The following LHX8 variants were observed in gnomAD, a reference collection of about 807,000 sequenced individuals.
LHX8 encodes LIM/homeobox protein Lhx8.
Under a neutral mutation model 40.3 loss-of-function variants are expected in LHX8, and 12 were observed. The ratio of observed to expected loss-of-function variants is 0.30; its 90% CI spans 0.19 to 0.48. The LOEUF (loss-of-function observed/expected upper bound fraction) is 0.48, where lower values mean the gene tolerates loss of function less well. Ranked by LOEUF, LHX8 falls within the 20% of genes least tolerant of loss-of-function variation. The pLI, the probability that LHX8 is intolerant of heterozygous loss-of-function variation, is 0.99. For synonymous variants in LHX8, 179 were observed against 162.0 expected (o/e 1.10, Z -0.80); for missense variants, 344 against 433.7 (o/e 0.79, Z 1.84).
At chr1:75,173,476 G>A in the LHX8 span, among the ~76,000 whole-genome samples, 4 of 142,596 alleles carry the variant, frequency 2.8e-5, no homozygotes, top group Non-Finnish European at 4.5e-5. Context: ...CTCCACCTCC[G>A]GGTTCACGCC....
the LHX8 span, among the ~76,000 whole-genome samples, chr1:75,192,389 C>T: frequency 2.0e-5 from 3 of 152,292 alleles, no homozygotes; most frequent in South Asian, 6.2e-4. Flanking sequence ...CTAGCCATAT[C>T]TCCTTGAACC....
intron 2 of LHX8, 46 bp from the exon 3 acceptor site, chr1:75,137,054 G>A (rs762129297): frequency 1.6e-5 from 25 of 1,552,622 alleles, no homozygotes; most frequent in African/African-American, 4.1e-5. Flanking sequence ...GGGATGCGAA[G>A]GGGAGGAGGG....
At chr1:75,168,777 A>T in the LHX8 span, among the ~76,000 whole-genome samples, 1 of 152,170 alleles carries the variant, frequency 6.6e-6, no homozygotes, top group Admixed American at 6.5e-5. Context: ...ATTCCAGTCC[A>T]GCCTCTTACT....
intron 7 of LHX8, among the ~76,000 whole-genome samples, chr1:75,151,175 A>G (rs960876133): frequency 2.0e-5 from 3 of 152,174 alleles, no homozygotes; most frequent in Non-Finnish European, 4.4e-5. Context: ...TTAACAAATC[A>G]CCTGTACGAA....
chr1:75,194,408 G>T, the LHX8 span, among the ~76,000 whole-genome samples: 1 of 152,262 alleles, frequency 6.6e-6, no homozygotes, highest in South Asian at 2.1e-4. Flanking sequence ...CATGAGCCTT[G>T]TCTGCAACAT....
downstream of LHX8, among the ~76,000 whole-genome samples, chr1:75,164,290 AATTG>A (rs1648988270): frequency 6.6e-6 from 1 of 152,170 alleles, no homozygotes. Flanking sequence ...GAAATTAAAA[AATTG>A]ATATGTCCAC....
the LHX8 span, among the ~76,000 whole-genome samples, chr1:75,167,103 T>C: frequency 6.6e-6 from 1 of 152,164 alleles, no homozygotes; most frequent in Non-Finnish European, 1.5e-5. Flanking sequence ...TGCTCTGTCA[T>C]GGACATCTGC....
Position 75,160,943 on chromosome 1 carries a change from A to C in LHX8, c.*48A>C, listed in dbSNP as rs1311133768. On this transcript the variant is annotated 3_prime_UTR_variant, in exon 9 of 9. Transcript: ENST00000356261. ...GATTAAGGATATAAATTTGTCATTT[A>C]TTATGTATAAAATACCATTGAAAAG... 1 of 1,327,042 alleles carries C rather than the reference A, an allele frequency of 7.5e-7. No individual in the cohort carries two copies. The highest frequency in any genetic ancestry group is 2.3e-5 in the East Asian group (1 of 43,466). The allele number at this position is 1,327,042 out of a possible 1,614,324, so 82.2% of individuals were successfully genotyped here.
At chr1:75,195,828 A>T in the LHX8 span, among the ~76,000 whole-genome samples, 11 of 151,650 alleles carry the variant, frequency 7.3e-5, no homozygotes, top group Non-Finnish European at 1.5e-4. Context: ...TGCCTTTAAT[A>T]TCTTTCTTTC....
intron 7 of LHX8, among the ~76,000 whole-genome samples, chr1:75,153,053 T>C (rs1648652194): frequency 6.6e-6 from 1 of 152,168 alleles, no homozygotes; most frequent in Admixed American, 6.5e-5. Context: ...AACATTTATA[T>C]TTCTATGTGT....
chr1:75,160,757 G>T, intron 8 of LHX8, 62 bp from the exon 9 acceptor site: 1 of 1,101,132 alleles, frequency 9.1e-7, no homozygotes. Flanking sequence ...GTTTTTGTTT[G>T]TTTATAAATC....
upstream of LHX8, chr1:75,130,349 C>T (rs1647930168): frequency 5.6e-6 from 2 of 358,474 alleles, no homozygotes; most frequent in Non-Finnish European, 1.1e-5. Context: ...CTTGGCTTTC[C>T]GCTATTGGTC....
the LHX8 span, among the ~76,000 whole-genome samples, chr1:75,192,959 G>A: frequency 6.6e-6 from 1 of 152,182 alleles, no homozygotes; most frequent in African/African-American, 2.4e-5. Context: ...CTTCCAAAAT[G>A]CTGGGATTAC....
intron 4 of LHX8, among the ~76,000 whole-genome samples, chr1:75,142,278 A>G (rs1011883989): frequency 6.6e-6 from 1 of 152,174 alleles, no homozygotes; most frequent in African/African-American, 2.4e-5. Context: ...CAAAGTGGTA[A>G]TAGCTTTAAA....
At chr1:75,140,545 A>C (rs1213734558) in intron 3 of LHX8, among the ~76,000 whole-genome samples, 1 of 152,180 alleles carries the variant, frequency 6.6e-6, no homozygotes, top group East Asian at 1.9e-4. Flanking sequence ...ATAATTGTTT[A>C]GCCAAAAAAT....
At chr1:75,146,449 A>G (rs913299898) in intron 6 of LHX8, among the ~76,000 whole-genome samples, 2 of 152,270 alleles carry the variant, frequency 1.3e-5, no homozygotes, top group African/African-American at 4.8e-5. Context: ...TTCTATGTAG[A>G]AGCACTCACT....
intron 5 of LHX8, 35 bp downstream of exon 5, chr1:75,143,373 A>T (rs372526079): frequency 1.1e-5 from 17 of 1,486,550 alleles, no homozygotes; most frequent in Non-Finnish European, 1.6e-5. Context: ...GAGTCTTTTG[A>T]GACAGTGAAT....
chr1:75,135,313 T>C (rs1334619818), intron 1 of LHX8, among the ~76,000 whole-genome samples: 4 of 152,252 alleles, frequency 2.6e-5, no homozygotes, highest in Admixed American at 2.6e-4. Context: ...CTGCAGCCTG[T>C]CTGAGGGCCT....
At chr1:75,156,676 C>A (rs2100361169) in intron 7 of LHX8, among the ~76,000 whole-genome samples, 1 of 152,292 alleles carries the variant, frequency 6.6e-6, no homozygotes, top group African/African-American at 2.4e-5. Context: ...AGGTAAATCA[C>A]CAGAGAGCTA....
Sources: gnomAD v4.1 joint callset for allele counts (sites outside exome capture counted in the v4.1 genomes callset) on GRCh38, gnomAD v4.1.1 for gene constraint, MANE v1.5 for transcripts, NCBI Gene and HGNC (gene_info 2026-07-23, HGNC 2026-07-21) for gene names.